The following COG5 variants were observed in gnomAD, a reference collection of about 807,000 sequenced individuals.
The protein encoded by COG5 is conserved oligomeric Golgi complex subunit 5.
In COG5, 86 loss-of-function variants were observed where a neutral mutation model predicts 110.4. The observed-to-expected ratio is 0.78, with a 90% CI of 0.65 to 0.93. COG5 has a LOEUF of 0.93. Among genes scored for constraint, COG5 ranks in the 40% least tolerant of loss-of-function variants. The probability of loss-of-function intolerance (pLI) is 0.00; values close to 1 mark genes in which losing one functional copy is unlikely to be tolerated. For synonymous variants in COG5, 360 were observed against 334.6 expected, an observed-to-expected ratio of 1.08 and a Z score of -0.83; for missense variants, 1,077 against 987.0, an observed-to-expected ratio of 1.09 and a Z score of -1.22.
rs767489660 is a variant in COG5, at chr7:107,412,502, C to T, written c.669G>A (p.Gln223=). Residue 223 remains glutamine, a splice_region_variant and synonymous_variant, in exon 7 of 22, where the codon CAG becomes CAA. Coordinates refer to ENST00000297135, the MANE Select transcript of COG5 (RefSeq NM_006348.5). ...KRLLEQGLET[Q]NPTQVGTALQ... ...TAAAAAACAGTCTTATTTTTATTAC[C>T]TGAGTCTCCAAACCCTGCTCTAGTA... 4.3e-6 allele frequency: 7 copies of T among 1,612,220 alleles called. No homozygotes were observed. In the East Asian group the frequency reaches 1.6e-4, roughly 36 times the overall value.
rs551642598 is a variant in COG5, at chr7:107,525,110, T to C, written c.538+2127A>G. Among the ~76,000 whole-genome samples, 183 of 152,216 alleles carry C rather than the reference T, an allele frequency of 1.2e-3. 2 individuals carry two copies. The highest frequency in any genetic ancestry group is 4.3e-3 in the African/African-American group (180 of 41,546). On this transcript the variant is annotated intron_variant, in intron 6 of 21. Coordinates refer to ENST00000297135, the MANE Select transcript of COG5 (RefSeq NM_006348.5). ...GCCCAGCTAATTTTTGTATTTTTAG[T>C]AGAGACGGGGTTTCACCATGTTGGC...
chr7:107,530,985 C>T (rs796864656), intron 5 of COG5, among the ~76,000 whole-genome samples: 16 of 152,228 alleles, frequency 1.1e-4, no homozygotes, highest in African/African-American at 3.1e-4. Flanking sequence ...CCTCCCAATG[C>T]CATTACCCTT....
chr7:107,357,412 A>G (rs980982319), intron 10 of COG5, among the ~76,000 whole-genome samples: 1 of 152,134 alleles, frequency 6.6e-6, no homozygotes, highest in Non-Finnish European at 1.5e-5. Context: ...TTTCATAAAT[A>G]TTGCCCTTAA....
At chr7:107,375,445 C>A (rs1472044555) in intron 7 of COG5, among the ~76,000 whole-genome samples, 1 of 152,004 alleles carries the variant, frequency 6.6e-6, no homozygotes, top group Non-Finnish European at 1.5e-5. Flanking sequence ...TTTTACAAAG[C>A]CATTGCAGCA....
chr7:107,555,337 A>G (rs1803229577), intron 2 of COG5, among the ~76,000 whole-genome samples: 1 of 152,216 alleles, frequency 6.6e-6, no homozygotes, highest in Admixed American at 6.5e-5. Flanking sequence ...TTTTATTCCA[A>G]TGAATACTTA....
intron 14 of COG5, among the ~76,000 whole-genome samples, chr7:107,260,412 G>A (rs1194055116): frequency 6.6e-6 from 1 of 152,102 alleles, no homozygotes; most frequent in African/African-American, 2.4e-5. Flanking sequence ...TTGCAGTGGG[G>A]CAGTGGGGTA....
chr7:107,283,822 C>A, intron 12 of COG5, 90 bp from the exon 13 acceptor site: 1 of 879,206 alleles, frequency 1.1e-6, no homozygotes, highest in South Asian at 1.4e-5. Flanking sequence ...TTAAAAAATG[C>A]ACCTCCCATA....
intron 10 of COG5, among the ~76,000 whole-genome samples, chr7:107,350,149 T>C (rs2129040904): frequency 6.6e-6 from 1 of 152,326 alleles, no homozygotes; most frequent in East Asian, 1.9e-4. Context: ...CAAATTTTCT[T>C]TTAGAGTTTC....
chr7:107,556,840 G>A (rs1803360820), intron 2 of COG5, among the ~76,000 whole-genome samples: 1 of 151,100 alleles, frequency 6.6e-6, no homozygotes, highest in South Asian at 2.1e-4. Context: ...GCACGATCTC[G>A]GCTCCCTGCA....
rs774900756 is a variant in COG5, at chr7:107,248,388, G to T, written c.1853+8C>A. The stretch of plus-strand genomic sequence containing the variant: ...AAAGTTAGTAAAAATTTGGTTAGAA[G>T]TAATTACCCAGAAAAGTCTTCTTGA... On this transcript the variant is annotated splice_region_variant and intron_variant, in intron 17 of 21. Coordinates refer to ENST00000297135, the MANE Select transcript of COG5 (RefSeq NM_006348.5). 1.0e-5 allele frequency: 16 copies of T among 1,571,694 alleles called. No homozygotes were observed. Among genetic ancestry groups the T allele is most frequent in the Non-Finnish European group, 1.3e-5 (15 of 1,141,968 alleles).
At chr7:107,470,914 G>GT (rs1796595103) in intron 6 of COG5, among the ~76,000 whole-genome samples, 1 of 151,764 alleles carries the variant, frequency 6.6e-6, no homozygotes, top group Non-Finnish European at 1.5e-5. Flanking sequence ...GAAATTTATA[G>GT]TATCTTATGA....
chr7:107,299,750 C>G (rs916858120), intron 11 of COG5, among the ~76,000 whole-genome samples: 1 of 148,148 alleles, frequency 6.8e-6, no homozygotes, highest in Non-Finnish European at 1.5e-5. Context: ...AAAATGTCAT[C>G]AAATCTAGTC....
intron 7 of COG5, among the ~76,000 whole-genome samples, chr7:107,385,805 CTTTTTTTTTT>C (rs57758483): frequency 1.1e-4 from 13 of 122,332 alleles, no homozygotes; most frequent in Admixed American, 4.9e-4. Context: ...TTGTTATTTT[CTTTTTTTTTT>C]TTTTTTTTGA....
chr7:107,468,175 G>A (rs953609295), intron 6 of COG5, among the ~76,000 whole-genome samples: 1 of 152,178 alleles, frequency 6.6e-6, no homozygotes, highest in Non-Finnish European at 1.5e-5. Flanking sequence ...GTACAGCGTG[G>A]TTTGCAGTTT....
chr7:107,204,539 G>T (rs951175941), intron 21 of COG5, among the ~76,000 whole-genome samples: 2 of 152,152 alleles, frequency 1.3e-5, no homozygotes, highest in African/African-American at 4.8e-5. Flanking sequence ...TTCAGTTTGA[G>T]ATTGGAGCAT....
At chr7:107,322,499 T>C (rs1380525680) in intron 11 of COG5, among the ~76,000 whole-genome samples, 4 of 152,198 alleles carry the variant, frequency 2.6e-5, no homozygotes, top group African/African-American at 4.8e-5. Context: ...ATCATTAGTC[T>C]AGTGGAAGCT....
At chr7:107,243,867 G>T (rs1801847606) in intron 17 of COG5, among the ~76,000 whole-genome samples, 1 of 152,116 alleles carries the variant, frequency 6.6e-6, no homozygotes, top group Admixed American at 6.5e-5. Flanking sequence ...TATGAAAATT[G>T]CTCAAAACCA....
rs915925086 is a variant in COG5 at position 107,563,909 on chromosome 7, C to T, written c.-13G>A. ...CGCCACCTTCCATGTTGGCAGGTGC[C>T]GGGTTGATGTCGTCAGCAGCAGAAC... On this transcript the variant is annotated 5_prime_UTR_variant, in exon 1 of 22. Transcript: ENST00000297135. 1.2e-6 allele frequency: 2 copies of T among 1,613,454 alleles called. No homozygotes were observed. Among genetic ancestry groups the T allele is most frequent in the East Asian group, 2.2e-5 (1 of 44,856 alleles).
At chr7:107,288,621 T>A (rs1437454336) in intron 12 of COG5, among the ~76,000 whole-genome samples, 3 of 152,062 alleles carry the variant, frequency 2.0e-5, no homozygotes, top group Non-Finnish European at 4.4e-5. Flanking sequence ...TCTGCTCAGA[T>A]CCCTTGTCCA....
Sources: gnomAD v4.1 joint callset for allele counts (sites outside exome capture counted in the v4.1 genomes callset) on GRCh38, gnomAD v4.1.1 for gene constraint, MANE v1.5 for transcripts, NCBI Gene and HGNC (gene_info 2026-07-23, HGNC 2026-07-21) for gene names.